Variants in WDR36 observed in about 807,000 individuals in gnomAD.
The protein encoded by WDR36 is WD repeat domain 36.
WDR36 carries 63 observed loss-of-function variants against 112.7 expected under a neutral mutation model. The observed-to-expected ratio is 0.56, with a 90% CI of 0.46 to 0.69. WDR36 has a LOEUF of 0.69. WDR36 is among the 30% of genes least tolerant of loss of function. The pLI is 0.00. For missense variants in WDR36, 1,226 were observed against 1,070.3 expected, an observed-to-expected ratio of 1.15 and a Z score of -2.03; for synonymous variants, 410 against 362.2, an observed-to-expected ratio of 1.13 and a Z score of -1.50.
chr5:111,125,303 A>G (rs1294589469), intron 21 of WDR36, among the ~76,000 whole-genome samples: 2 of 152,208 alleles, frequency 1.3e-5, no homozygotes, highest in African/African-American at 4.8e-5. Flanking sequence ...GAGAAGATAT[A>G]TGAGCATTTT....
At chr5:111,110,421 A>C in intron 13 of WDR36, 118 bp downstream of exon 13, 1 of 837,050 alleles carries the variant, frequency 1.2e-6, no homozygotes, top group Non-Finnish European at 2.0e-6. Flanking sequence ...GATGGGTTAT[A>C]ATCAACCCTA....
intron 16 of WDR36, among the ~76,000 whole-genome samples, chr5:111,116,519 A>G (rs1753458421): frequency 6.6e-6 from 1 of 152,180 alleles, no homozygotes; most frequent in African/African-American, 2.4e-5. Flanking sequence ...AACCTTCTGA[A>G]TTGTTATGCA....
chr5:111,129,066 T>C lies in WDR36; in HGVS notation c.*2183T>C, dbSNP rs992969882. ...TTATTGTACAACTTGCTATTTCTAC[T>C]TGGGAGTTTTTTATTTTGGTACATT... On this transcript the variant is annotated 3_prime_UTR_variant, in exon 23 of 23. Transcript: ENST00000513710. 1 of 197,946 alleles carries C rather than the reference T, an allele frequency of 5.1e-6. No homozygotes were observed. The highest frequency in any genetic ancestry group is 6.0e-5 in the Admixed American group (1 of 16,534). The allele number at this position is 197,946 out of a possible 1,614,324, so 12.3% of individuals were successfully genotyped here. A position where few individuals can be genotyped will look rare whatever the true frequency, so the allele number is the denominator to read the frequency against.
At chr5:111,107,466 C>T (rs111501606) in intron 12 of WDR36, 27 bp downstream of exon 12, 3 of 1,607,348 alleles carry the variant, frequency 1.9e-6, no homozygotes, top group East Asian at 2.2e-5. Flanking sequence ...ATAAGAGTAT[C>T]TTCTCTTTAA....
At chr5:111,105,766 T>C (rs1753211374) in intron 10 of WDR36, among the ~76,000 whole-genome samples, 1 of 151,644 alleles carries the variant, frequency 6.6e-6, no homozygotes, top group Non-Finnish European at 1.5e-5. Context: ...TTGAAAGATT[T>C]TGTTTATTAA....
chr5:111,101,603 G>T (rs1198257652), intron 5 of WDR36, among the ~76,000 whole-genome samples: 1 of 151,728 alleles, frequency 6.6e-6, no homozygotes, highest in Admixed American at 6.6e-5. Context: ...AGAAAAAGGT[G>T]GCAGCTCACA....
chr5:111,121,061 C>G lies in WDR36; in HGVS notation c.2068C>G (p.Gln690Glu), dbSNP rs1010536270. The change falls in exon 19 of 23, where the codon CAG (glutamine) becomes GAG (glutamate). Residue 690 changes from glutamine to glutamate, a missense_variant. By Grantham distance (29) the Gln-to-Glu change is conservative. Transcript: ENST00000513710. The stretch of plus-strand genomic sequence containing the variant: ...ATTGATAGAATATGATTCGCCAGAA[C>G]AGTTGAATGAGCAATTGGTGACTCT... ...DELIEYDSPE[Q>E]LNEQLVTLSL... The G allele has an allele frequency of 2.3e-5, 37 of 1,613,410 alleles. No individual in the cohort carries two copies. Among genetic ancestry groups the G allele is most frequent in the Non-Finnish European group, 3.1e-5 (36 of 1,179,594 alleles).
At chr5:111,107,532 A>G in intron 12 of WDR36, 93 bp downstream of exon 12, 1 of 1,504,406 alleles carries the variant, frequency 6.6e-7, no homozygotes, top group Non-Finnish European at 9.0e-7. Flanking sequence ...ATATTGACTG[A>G]AAAAACGTAG....
intron 7 of WDR36, 110 bp from the exon 8 acceptor site, chr5:111,104,067 G>A: frequency 5.1e-6 from 7 of 1,376,982 alleles, no homozygotes; most frequent in Non-Finnish European, 7.0e-6. Flanking sequence ...TAGATTATTG[G>A]TATATAGTTT....
At chr5:111,097,496 G>A (rs769581567) in intron 3 of WDR36, among the ~76,000 whole-genome samples, 10 of 152,096 alleles carry the variant, frequency 6.6e-5, no homozygotes, top group Non-Finnish European at 1.3e-4. Flanking sequence ...GACATAATGT[G>A]TATTATTAAG....
intron 15 of WDR36, among the ~76,000 whole-genome samples, chr5:111,112,205 T>G (rs994550841): frequency 1.3e-5 from 2 of 152,104 alleles, no homozygotes; most frequent in East Asian, 3.9e-4. Flanking sequence ...TCCTATTTCT[T>G]TTTCAAACCT....
Position 111,113,061 on chromosome 5 carries a change from TTTTA to T in WDR36, c.1717-12_1717-9del. On this transcript the variant is annotated splice_polypyrimidine_tract_variant and intron_variant, in intron 15 of 22. Transcript: ENST00000513710. ...ATATATATATATATATATTTTTTTTTTTTAATTTAAAGGCTTTTAGTCCTGATGG... is the reference window on the plus strand; with the variant it reads ...ATATATATATATATATATTTTTTTTTATTTAAAGGCTTTTAGTCCTGATGG... 1 of 1,019,140 alleles carries T rather than the reference TTTTA, an allele frequency of 9.8e-7. No homozygotes were observed. Among genetic ancestry groups the T allele is most frequent in the African/African-American group, 1.7e-5 (1 of 57,704 alleles). 63.1% of individuals were successfully genotyped at this position (1,019,140 alleles called of 1,614,324 possible). A position where few individuals can be genotyped will look rare whatever the true frequency, so the allele number is the denominator to read the frequency against.
At chr5:111,097,409 G>A (rs1432288511) in intron 3 of WDR36, among the ~76,000 whole-genome samples, 1 of 152,074 alleles carries the variant, frequency 6.6e-6, no homozygotes, top group East Asian at 1.9e-4. Flanking sequence ...AAAATTACTT[G>A]GAGACCTTCT....
chr5:111,104,900 T>G (rs946780851), intron 9 of WDR36, 83 bp downstream of exon 9: 1 of 1,586,640 alleles, frequency 6.3e-7, no homozygotes, highest in African/African-American at 1.3e-5. Flanking sequence ...TATTTACACA[T>G]ACTTAGATTC....
At chr5:111,104,100 A>G (rs940113970) in intron 7 of WDR36, 77 bp from the exon 8 acceptor site, 9 of 1,451,934 alleles carry the variant, frequency 6.2e-6, no homozygotes, top group Middle Eastern at 1.9e-4. Flanking sequence ...ATGGATTAAA[A>G]GGGAAGAGAG....
chr5:111,125,245 T>C (rs1753654391), intron 21 of WDR36, among the ~76,000 whole-genome samples: 2 of 152,204 alleles, frequency 1.3e-5, no homozygotes, highest in South Asian at 2.1e-4. Flanking sequence ...CCACTATTAA[T>C]ACTTTTGTAT....
In WDR36 at chr5:111,107,528, A is replaced by G. The variant is rs562032850; in HGVS notation, c.1326+89A>G. ...CTCAAGGTTTCTCATCATAATATTGACTGAAAAAACGTAGTTTAACATTTT... is the reference window on the plus strand; with the variant it reads ...CTCAAGGTTTCTCATCATAATATTGGCTGAAAAAACGTAGTTTAACATTTT... On this transcript the variant is annotated intron_variant, in intron 12 of 22. Coordinates refer to ENST00000513710, the MANE Select transcript of WDR36 (RefSeq NM_139281.3). 4.6e-6 allele frequency: 7 copies of G among 1,532,138 alleles called. No homozygotes were observed. In the African/African-American group the frequency reaches 5.5e-5, roughly 12 times the overall value. The allele number at this position is 1,532,138 out of a possible 1,614,324, so 94.9% of individuals were successfully genotyped here.
chr5:111,113,052 AT>A (rs201180028), intron 15 of WDR36, 21 bp from the exon 16 acceptor site: 5,420 of 470,744 alleles, frequency 0.012, 57 homozygotes, highest in East Asian at 0.027. Context: ...ATATATATAT[AT>A]TTTTTTTTTT....
intron 1 of WDR36, among the ~76,000 whole-genome samples, chr5:111,093,438 C>G (rs777680220): frequency 1.3e-5 from 2 of 152,076 alleles, no homozygotes; most frequent in Admixed American, 1.3e-4. Context: ...TATCAAATGG[C>G]TTATTAGCAA....
Sources: allele counts gnomAD v4.1 joint callset (sites outside exome capture counted in the v4.1 genomes callset), GRCh38; gene constraint gnomAD v4.1.1; transcripts MANE v1.5; gene names NCBI Gene and HGNC (gene_info 2026-07-23, HGNC 2026-07-21).